Variants in COLEC10 observed in about 807,000 individuals in gnomAD.
The protein encoded by COLEC10 is collectin subfamily member 10.
A neutral mutation model predicts 28.4 loss-of-function variants in COLEC10; 22 were observed. That is an observed-to-expected ratio of 0.78 (90% CI 0.55 to 1.11). The LOEUF is 1.11. Among genes scored for constraint, COLEC10 ranks in the 50% least tolerant of loss-of-function variants. The pLI is 0.00. For synonymous variants in COLEC10, 125 were observed against 116.1 expected (o/e 1.08, Z -0.49); for missense variants, 361 against 344.1 (o/e 1.05, Z -0.39).
intron 2 of COLEC10, among the ~76,000 whole-genome samples, chr8:119,049,123 G>A (rs1309174156): frequency 6.6e-6 from 1 of 151,986 alleles, no homozygotes; most frequent in Non-Finnish European, 1.5e-5. Context: ...GAAATTCTTG[G>A]TTGGAATTTC....
intron 1 of COLEC10, among the ~76,000 whole-genome samples, chr8:119,004,625 A>G (rs950342297): frequency 8.6e-5 from 13 of 151,526 alleles, no homozygotes; most frequent in African/African-American, 2.9e-4. Flanking sequence ...AGAGATATAT[A>G]TATATCTCCA....
At chr8:119,077,133 C>A (rs778753139) in intron 1 of COLEC10, among the ~76,000 whole-genome samples, 1 of 151,620 alleles carries the variant, frequency 6.6e-6, no homozygotes, top group African/African-American at 2.4e-5. Context: ...ATAAAATGTA[C>A]AAAGGCAAGG....
chr8:118,982,626 C>T, the COLEC10 span: 2 of 190,942 alleles, frequency 1.0e-5, no homozygotes, highest in Non-Finnish European at 1.2e-5. Flanking sequence ...GACTATGGGA[C>T]TGTCTTGTTC....
At chr8:118,964,878 G>A in the COLEC10 span, among the ~76,000 whole-genome samples, 1 of 152,150 alleles carries the variant, frequency 6.6e-6, no homozygotes, top group African/African-American at 2.4e-5. Context: ...TGGATGAGAG[G>A]CAGGTCTGAT....
At chr8:119,046,589 C>T (rs770356472) in intron 2 of COLEC10, among the ~76,000 whole-genome samples, 1 of 152,122 alleles carries the variant, frequency 6.6e-6, no homozygotes, top group Non-Finnish European at 1.5e-5. Flanking sequence ...GTAGCTAACC[C>T]ATCCTTTTAG....
chr8:119,019,835 C>T (rs1437473613), intron 2 of COLEC10, among the ~76,000 whole-genome samples: 1 of 152,100 alleles, frequency 6.6e-6, no homozygotes, highest in East Asian at 1.9e-4. Flanking sequence ...ACTTGAAGGC[C>T]TATACCAATA....
chr8:119,002,645 A>G (rs1813722881), intron 1 of COLEC10, among the ~76,000 whole-genome samples: 1 of 152,120 alleles, frequency 6.6e-6, no homozygotes, highest in African/African-American at 2.4e-5. Context: ...TGGGTGTTCT[A>G]TTCCAATGAC....
chr8:119,057,557 C>T (rs1307421974), intron 2 of COLEC10, among the ~76,000 whole-genome samples: 1 of 152,034 alleles, frequency 6.6e-6, no homozygotes, highest in Non-Finnish European at 1.5e-5. Flanking sequence ...TACTATTGTA[C>T]TTCTCTGTCC....
chr8:119,024,911 G>C (rs139031303), intron 2 of COLEC10, among the ~76,000 whole-genome samples: 1 of 152,050 alleles, frequency 6.6e-6, no homozygotes, highest in East Asian at 1.9e-4. Flanking sequence ...TTTAGTTCTC[G>C]TATGACTCTT....
At chr8:118,988,357 T>G in the COLEC10 span, among the ~76,000 whole-genome samples, 1 of 152,218 alleles carries the variant, frequency 6.6e-6, no homozygotes, top group South Asian at 2.1e-4. Context: ...AAAGACGTAG[T>G]CTCCATGTGA....
intron 2 of COLEC10, among the ~76,000 whole-genome samples, chr8:119,051,280 A>G (rs2130176546): frequency 6.6e-6 from 1 of 152,330 alleles, no homozygotes; most frequent in African/African-American, 2.4e-5. Flanking sequence ...GATTACAACT[A>G]ACTTCCTTTT....
chr8:119,042,882 T>C (rs892738330), intron 2 of COLEC10, among the ~76,000 whole-genome samples: 6 of 152,204 alleles, frequency 3.9e-5, no homozygotes, highest in African/African-American at 1.4e-4. Context: ...GTTCCTTTTA[T>C]TGCAGCTTGG....
chr8:119,000,756 C>A (rs79065002), intron 1 of COLEC10, among the ~76,000 whole-genome samples: 4,340 of 152,138 alleles, frequency 0.029, 120 homozygotes, highest in East Asian at 0.16. Context: ...TTAGGGAGAA[C>A]AAGTTTCATA....
At chr8:118,991,844 ATATATT>A (rs1290108771), upstream of COLEC10, among the ~76,000 whole-genome samples, 2 of 137,178 alleles carry the variant, frequency 1.5e-5, no homozygotes, top group African/African-American at 2.9e-5. Flanking sequence ...ATTCAATTGA[ATATATT>A]TATATTCAAT....
intron 2 of COLEC10, among the ~76,000 whole-genome samples, chr8:119,040,388 T>C (rs943645755): frequency 3.9e-5 from 6 of 152,184 alleles, no homozygotes; most frequent in Non-Finnish European, 5.9e-5. Flanking sequence ...TAGTATCTCA[T>C]TGGCACATTA....
rs374206479 is a variant in COLEC10, at chr8:119,008,328, C to T, written n.123-1113C>T. 4.6e-4 allele frequency among the ~76,000 whole-genome samples: 70 copies of T among 150,854 alleles called. 5 individuals are homozygous for T. Among genetic ancestry groups the T allele is most frequent in the African/African-American group, 1.6e-3 (65 of 40,256 alleles). On this transcript the variant is annotated intron_variant and non_coding_transcript_variant, in intron 1 of 6. Transcript: ENST00000521788. ...GCTGGAAAGTCCCAGAATACCATTCCTCTCCTTAGATTCCCAGTTTCCATA... is the reference window on the plus strand; with the variant it reads ...GCTGGAAAGTCCCAGAATACCATTCTTCTCCTTAGATTCCCAGTTTCCATA...
At chr8:119,028,737 A>G (rs888780660) in intron 2 of COLEC10, among the ~76,000 whole-genome samples, 1 of 152,192 alleles carries the variant, frequency 6.6e-6, no homozygotes, top group Non-Finnish European at 1.5e-5. Context: ...ATGCTCCATA[A>G]TCTATGTGAA....
At position 119,106,981 on chromosome 8, in the gene COLEC10, C is replaced by T. The variant is rs1587070924; in HGVS notation, c.*790C>T. On this transcript the variant is annotated 3_prime_UTR_variant, in exon 6 of 6. Transcript: ENST00000332843. ...CAAAAGAAAAAAATGGGGAATTGTT[C>T]ACAAACAATACTGGTTATAGTTCTC... 1.3e-5 allele frequency among the ~76,000 whole-genome samples: 2 copies of T among 152,122 alleles called. No individual in the cohort carries two copies. Among genetic ancestry groups the T allele is most frequent in the East Asian group, 3.9e-4 (2 of 5,190 alleles).
chr8:119,083,548 T>A (rs1299540943), intron 1 of COLEC10, among the ~76,000 whole-genome samples: 3 of 152,174 alleles, frequency 2.0e-5, no homozygotes, highest in Non-Finnish European at 2.9e-5. Context: ...TCAGTATGCT[T>A]GCAATATTTA....
Sources: allele counts gnomAD v4.1 joint callset (sites outside exome capture counted in the v4.1 genomes callset), GRCh38; gene constraint gnomAD v4.1.1; transcripts MANE v1.5; gene names NCBI Gene and HGNC (gene_info 2026-07-23, HGNC 2026-07-21).